Variants in SLC22A24 observed in about 807,000 individuals in gnomAD.
SLC22A24 encodes the protein steroid transmembrane transporter SLC22A24.
In SLC22A24, 53 loss-of-function variants were observed where a neutral mutation model predicts 49.8. That is an observed-to-expected ratio of 1.06 (90% CI 0.85 to 1.34). The LOEUF (loss-of-function observed/expected upper bound fraction) is 1.34. SLC22A24 is among the 40% of genes most tolerant of loss of function. The pLI, the probability that SLC22A24 is intolerant of heterozygous loss-of-function variation, is 0.00. For synonymous variants in SLC22A24, 302 were observed against 256.4 expected, an observed-to-expected ratio of 1.18 and a Z score of -1.70; for missense variants, 786 against 675.9, an observed-to-expected ratio of 1.16 and a Z score of -1.81.
chr11:63,084,774 A>T (rs1431621502), intron 6 of SLC22A24, among the ~76,000 whole-genome samples: 1 of 152,142 alleles, frequency 6.6e-6, no homozygotes, highest in Non-Finnish European at 1.5e-5. Context: ...AGAAAAAGTC[A>T]ACAATATCTT....
rs369161528 is a variant in SLC22A24, at chr11:63,081,680, T to A, written c.1286-14A>T. 3.9e-6 allele frequency: 6 copies of A among 1,521,812 alleles called. No individual in the cohort carries two copies. The highest frequency in any genetic ancestry group is 5.4e-6 in the Non-Finnish European group (6 of 1,120,074). 94.3% of individuals were successfully genotyped at this position (1,521,812 alleles called of 1,614,324 possible). ...GGATCTGCATTTCTAGAGAGAACAGTGAGAATCAGGAAATCTTGCCTGAAG... is the reference window on the plus strand; with the variant it reads ...GGATCTGCATTTCTAGAGAGAACAGAGAGAATCAGGAAATCTTGCCTGAAG... On this transcript the variant is annotated splice_polypyrimidine_tract_variant and intron_variant, in intron 7 of 9. Coordinates refer to ENST00000612278, the MANE Select transcript of SLC22A24 (RefSeq NM_001136506.2).
At chr11:63,130,342 G>A (rs1241632280) in intron 2 of SLC22A24, among the ~76,000 whole-genome samples, 1 of 152,152 alleles carries the variant, frequency 6.6e-6, no homozygotes, top group African/African-American at 2.4e-5. Flanking sequence ...GATTATGGTG[G>A]ATAAGCTTTT....
chr11:63,091,971 T>G (rs915805480), intron 6 of SLC22A24, among the ~76,000 whole-genome samples: 1 of 152,200 alleles, frequency 6.6e-6, no homozygotes. Flanking sequence ...TGTCTCTGTT[T>G]GCAGATGACA....
intron 2 of SLC22A24, among the ~76,000 whole-genome samples, chr11:63,123,944 C>T (rs2087270191): frequency 1.3e-5 from 2 of 151,982 alleles, no homozygotes; most frequent in South Asian, 2.1e-4. Context: ...TGTAAAATTC[C>T]CCTTAAAAAT....
chr11:63,094,054 A>G (rs1168404196), intron 6 of SLC22A24, among the ~76,000 whole-genome samples: 1 of 151,746 alleles, frequency 6.6e-6, no homozygotes, highest in Non-Finnish European at 1.5e-5. Flanking sequence ...GGTTTGTTAC[A>G]TATGTATACA....
At chr11:63,083,201 G>A (rs1590726414) in intron 7 of SLC22A24, 42 bp downstream of exon 7, 5 of 1,473,496 alleles carry the variant, frequency 3.4e-6, no homozygotes, top group Non-Finnish European at 4.6e-6. Flanking sequence ...CCTGGAGAAT[G>A]GGGGTAACTA....
intron 5 of SLC22A24, among the ~76,000 whole-genome samples, chr11:63,097,933 A>G (rs759643232): frequency 5.9e-5 from 9 of 152,044 alleles, no homozygotes; most frequent in African/African-American, 9.7e-5. Flanking sequence ...ATGGGGGGCA[A>G]AAGGAGGGAA....
chr11:63,111,659 G>C (rs2087165949), intron 4 of SLC22A24, among the ~76,000 whole-genome samples: 1 of 150,616 alleles, frequency 6.6e-6, no homozygotes, highest in Admixed American at 6.6e-5. Flanking sequence ...AGTATTCTCT[G>C]ATGGTAGTTT....
intron 4 of SLC22A24, among the ~76,000 whole-genome samples, chr11:63,117,970 C>A (rs1359611556): frequency 6.6e-6 from 1 of 152,062 alleles, no homozygotes; most frequent in South Asian, 2.1e-4. Flanking sequence ...TATTATTTTC[C>A]CAAATTGTTA....
At chr11:63,083,493 A>G (rs1414931384) in intron 6 of SLC22A24, 36 bp from the exon 7 acceptor site, 15 of 1,480,602 alleles carry the variant, frequency 1.0e-5, no homozygotes, top group East Asian at 2.5e-5. Context: ...CATATTCAAT[A>G]AGATTTAAAG....
chr11:63,115,108 A>C (rs1372398764), intron 4 of SLC22A24, among the ~76,000 whole-genome samples: 1 of 152,252 alleles, frequency 6.6e-6, no homozygotes, highest in East Asian at 1.9e-4. Flanking sequence ...GCTGTCAGAC[A>C]GAGACGTTTA....
At chr11:63,108,791 T>C (rs958558510) in intron 4 of SLC22A24, among the ~76,000 whole-genome samples, 1 of 139,830 alleles carries the variant, frequency 7.2e-6, no homozygotes, top group East Asian at 1.9e-4. Context: ...CCCTTTATCA[T>C]TTTTTTTTGC....
In SLC22A24 at chr11:63,080,037, A is replaced by G. The variant is rs750687149; in HGVS notation, c.1599-37T>C. 5.9e-6 allele frequency: 8 copies of G among 1,360,732 alleles called. No individual in the cohort carries two copies. The South Asian group carries it at 1.0e-4, about 17-fold the overall frequency. The allele number at this position is 1,360,732 out of a possible 1,614,324, so 84.3% of individuals were successfully genotyped here. On this transcript the variant is annotated intron_variant, in intron 9 of 9. Transcript: ENST00000612278. ...AAATGCAAACAAAAACAAGATTAAG[A>G]AACAAAAAATAAATAAGATATAGAT...
intron 2 of SLC22A24, among the ~76,000 whole-genome samples, chr11:63,129,781 C>G (rs1361423646): frequency 1.3e-5 from 2 of 151,820 alleles, no homozygotes; most frequent in Non-Finnish European, 2.9e-5. Context: ...CTCTGTTTGT[C>G]TGTTATTGGT....
intron 6 of SLC22A24, among the ~76,000 whole-genome samples, chr11:63,095,459 G>C (rs1202766646): frequency 1.3e-5 from 2 of 152,136 alleles, no homozygotes; most frequent in Non-Finnish European, 2.9e-5. Flanking sequence ...AAGGTACACA[G>C]ATAGCATGAT....
In SLC22A24 at chr11:63,118,965, G is replaced by T. The variant is rs1341146316; in HGVS notation, c.777C>A (p.His259Gln). 6.4e-7 allele frequency: 1 copy of T among 1,551,986 alleles called. No individual in the cohort carries two copies. The highest frequency in any genetic ancestry group is 1.2e-5 in the South Asian group (1 of 84,052). Residue 259 changes from histidine to glutamine, a missense_variant, in exon 4 of 10, where the codon CAC becomes CAA. Coordinates refer to ENST00000612278, the MANE Select transcript of SLC22A24 (RefSeq NM_001136506.2). ...GTGTAGACACAGTCAGTTGCAATAT[G>T]TGCCAGTCCTGAATGGCAAAAGCCA... is the stretch of plus-strand genomic sequence containing the variant. ...GGLAFAIQDW[H>Q]ILQLTVSTPI...
rs1169500469 is a variant in SLC22A24, at chr11:63,118,917, G to A, written c.825C>T (p.Ser275=). ...VSTPIIVLFL[S]SWKMVESARW... is the part of the protein sequence containing the mutation. The stretch of plus-strand genomic sequence containing the variant: ...AATGTGGAGATTGTTCATACCAAGA[G>A]GACAAGAAGAGGACAATTATGGGTG... Residue 275 remains serine, a synonymous_variant, in exon 4 of 10, where the codon TCC becomes TCT. Transcript: ENST00000612278. The A allele has an allele frequency of 1.3e-6, 2 of 1,552,000 alleles. No individual in the cohort carries two copies. Among genetic ancestry groups the A allele is most frequent in the East Asian group, 2.4e-5 (1 of 40,910 alleles).
chr11:63,115,247 T>G (rs1455752208), intron 4 of SLC22A24, among the ~76,000 whole-genome samples: 1 of 152,172 alleles, frequency 6.6e-6, no homozygotes, highest in Non-Finnish European at 1.5e-5. Flanking sequence ...GCCACTTTAT[T>G]TACCTACTCA....
In SLC22A24 at chr11:63,080,913, TACTC is replaced by T. The variant is rs1447420692; in HGVS notation, c.1598+3_1598+6del. On this transcript the variant is annotated splice_donor_5th_base_variant and intron_variant, in intron 9 of 9. Coordinates refer to ENST00000612278, the MANE Select transcript of SLC22A24 (RefSeq NM_001136506.2). ...CCACTCAAGTGACAGCTAGAGGGTT[TACTC>T]ACTCATTTTCCACATCCTGGATGGT... is the stretch of plus-strand genomic sequence containing the variant. The T allele has an allele frequency of 1.9e-6, 3 of 1,549,966 alleles. No homozygotes were observed. Among genetic ancestry groups the T allele is most frequent in the Admixed American group, 2.0e-5 (1 of 51,008 alleles).
Sources: allele counts gnomAD v4.1 joint callset (sites outside exome capture counted in the v4.1 genomes callset), GRCh38; gene constraint gnomAD v4.1.1; transcripts MANE v1.5; gene names NCBI Gene and HGNC (gene_info 2026-07-23, HGNC 2026-07-21).